The following CNTNAP5 variants were observed in gnomAD, a reference collection of about 807,000 sequenced individuals.
The protein encoded by CNTNAP5 is contactin associated protein family member 5, also known as contactin-associated protein-like 5.
A neutral mutation model predicts 150.2 loss-of-function variants in CNTNAP5; 72 were observed. The observed-to-expected ratio is 0.48, with a 90% confidence interval of 0.40 to 0.58. The LOEUF is 0.58. Ranked by LOEUF, CNTNAP5 falls within the 20% of genes least tolerant of loss-of-function variation. The pLI is 0.00. For synonymous variants in CNTNAP5, 672 were observed against 619.8 expected, an observed-to-expected ratio of 1.08 and a Z score of -1.25; for missense variants, 1,636 against 1,626.2, an observed-to-expected ratio of 1.01 and a Z score of -0.10.
intron 22 of CNTNAP5, among the ~76,000 whole-genome samples, chr2:124,907,692 C>G (rs1678566838): frequency 6.6e-6 from 1 of 150,532 alleles, no homozygotes; most frequent in African/African-American, 2.4e-5. Context: ...AAAGATAGCT[C>G]TAAAATTGTT....
chr2:124,403,670 A>C (rs1249874303), intron 3 of CNTNAP5, among the ~76,000 whole-genome samples: 1 of 152,198 alleles, frequency 6.6e-6, no homozygotes, highest in Non-Finnish European at 1.5e-5. Context: ...TCCAGATTCA[A>C]AGAGGAATTA....
chr2:124,678,950 T>C (rs1679003304), intron 13 of CNTNAP5, among the ~76,000 whole-genome samples: 1 of 151,918 alleles, frequency 6.6e-6, no homozygotes, highest in South Asian at 2.1e-4. Context: ...TGAAGTAAAG[T>C]CAACCACAAA....
At chr2:124,102,185 C>T (rs1431064511) in intron 1 of CNTNAP5, among the ~76,000 whole-genome samples, 2 of 152,172 alleles carry the variant, frequency 1.3e-5, no homozygotes, top group Non-Finnish European at 2.9e-5. Flanking sequence ...GCAACCTTTG[C>T]GTTGTCCTTT....
At chr2:124,416,879 G>A (rs1044957894) in intron 3 of CNTNAP5, among the ~76,000 whole-genome samples, 1 of 150,940 alleles carries the variant, frequency 6.6e-6, no homozygotes, top group African/African-American at 2.4e-5. Context: ...GCTTTTAGGT[G>A]TCATGCCTCA....
At chr2:124,039,010 A>G (rs929367134) in intron 1 of CNTNAP5, among the ~76,000 whole-genome samples, 19 of 152,198 alleles carry the variant, frequency 1.2e-4, no homozygotes, top group Admixed American at 1.0e-3. Flanking sequence ...CCTAAGTTAC[A>G]CTAAATAAGC....
At chr2:124,204,622 C>G (rs1274683939) in intron 1 of CNTNAP5, among the ~76,000 whole-genome samples, 2 of 152,164 alleles carry the variant, frequency 1.3e-5, no homozygotes, top group Non-Finnish European at 2.9e-5. Flanking sequence ...CTGGAAAGGC[C>G]TCACAATCAT....
chr2:124,093,884 C>A (rs1318340863), intron 1 of CNTNAP5, among the ~76,000 whole-genome samples: 2 of 152,140 alleles, frequency 1.3e-5, no homozygotes, highest in East Asian at 3.8e-4. Flanking sequence ...GTGTTTAAAG[C>A]CAAGTTTGGA....
intron 19 of CNTNAP5, among the ~76,000 whole-genome samples, chr2:124,831,241 T>C (rs1682710833): frequency 1.3e-5 from 2 of 151,970 alleles, no homozygotes. Flanking sequence ...TTCTGGTTTG[T>C]CCAATACCTT....
At chr2:124,409,798 A>C (rs1418231229) in intron 3 of CNTNAP5, among the ~76,000 whole-genome samples, 2 of 152,088 alleles carry the variant, frequency 1.3e-5, no homozygotes, top group African/African-American at 4.8e-5. Context: ...GACCATCAAG[A>C]CTAGGCAGAA....
At chr2:124,213,771 A>T (rs1573840731) in intron 1 of CNTNAP5, among the ~76,000 whole-genome samples, 1 of 152,292 alleles carries the variant, frequency 6.6e-6, no homozygotes, top group South Asian at 2.1e-4. Flanking sequence ...ACAAAAAAAA[A>T]TCAGTGGCAA....
intron 1 of CNTNAP5, among the ~76,000 whole-genome samples, chr2:124,039,745 C>T (rs547694983): frequency 1.5e-4 from 23 of 152,034 alleles, no homozygotes; most frequent in Non-Finnish European, 3.2e-4. Context: ...CCCAAATGTC[C>T]CTGCTTTGTA....
intron 1 of CNTNAP5, among the ~76,000 whole-genome samples, chr2:124,107,293 A>C (rs1455334384): frequency 6.6e-6 from 1 of 152,214 alleles, no homozygotes; most frequent in African/African-American, 2.4e-5. Context: ...GTCCCTGACC[A>C]TGAAGACCTT....
chr2:124,571,310 A>G (rs1317872509), intron 11 of CNTNAP5, among the ~76,000 whole-genome samples: 1 of 152,114 alleles, frequency 6.6e-6, no homozygotes, highest in Middle Eastern at 3.2e-3. Context: ...AGATGAAGTC[A>G]ATCAGGTGTG....
At chr2:124,748,334 C>A (rs1041277358) in intron 14 of CNTNAP5, among the ~76,000 whole-genome samples, 8 of 152,126 alleles carry the variant, frequency 5.3e-5, no homozygotes, top group African/African-American at 1.9e-4. Context: ...GCCAGAGTTT[C>A]TTAGTCTCCT....
At chr2:124,290,132 C>T (rs973303418) in intron 3 of CNTNAP5, among the ~76,000 whole-genome samples, 16 of 152,006 alleles carry the variant, frequency 1.1e-4, no homozygotes, top group African/African-American at 2.4e-4. Flanking sequence ...GCTATTAGGC[C>T]GGGTAGATCG....
At chr2:124,147,351 A>C (rs1684279769) in intron 1 of CNTNAP5, among the ~76,000 whole-genome samples, 1 of 152,206 alleles carries the variant, frequency 6.6e-6, no homozygotes, top group African/African-American at 2.4e-5. Context: ...GATTTGAGAC[A>C]GTGCCCTTAA....
At chr2:124,702,983 T>G (rs1366825661) in intron 13 of CNTNAP5, among the ~76,000 whole-genome samples, 1 of 152,194 alleles carries the variant, frequency 6.6e-6, no homozygotes, top group East Asian at 1.9e-4. Flanking sequence ...GTTTACTTTA[T>G]AATGTTAAAT....
At chr2:124,786,540 AAG>A (rs1338193375) in intron 17 of CNTNAP5, among the ~76,000 whole-genome samples, 10 of 151,704 alleles carry the variant, frequency 6.6e-5, no homozygotes, top group East Asian at 5.8e-4. Flanking sequence ...AAAGGAAAGA[AAG>A]AGAAAGGAAA....
intron 1 of CNTNAP5, among the ~76,000 whole-genome samples, chr2:124,076,205 C>G (rs1682433588): frequency 6.6e-6 from 1 of 152,108 alleles, no homozygotes; most frequent in Non-Finnish European, 1.5e-5. Context: ...ACTTCACATT[C>G]TTTGTCTCGA....
Sources: allele counts gnomAD v4.1 joint callset (sites outside exome capture counted in the v4.1 genomes callset), GRCh38; gene constraint gnomAD v4.1.1; transcripts MANE v1.5; gene names NCBI Gene and HGNC (gene_info 2026-07-23, HGNC 2026-07-21).